Variants in ADAMTS9 observed in about 807,000 individuals in gnomAD.
The protein encoded by ADAMTS9 is A disintegrin and metalloproteinase with thrombospondin motifs 9.
A neutral mutation model predicts 257.1 loss-of-function variants in ADAMTS9; 107 were observed. That is an observed-to-expected ratio of 0.42 (90% confidence interval 0.36 to 0.49). ADAMTS9 has a LOEUF of 0.49. Among genes scored for constraint, ADAMTS9 ranks in the 20% least tolerant of loss-of-function variants. ADAMTS9 has a pLI of 0.03. For missense variants in ADAMTS9, 2,353 were observed against 2,469.1 expected, an observed-to-expected ratio of 0.95 and a Z score of 1.00; for synonymous variants, 982 against 880.9, an observed-to-expected ratio of 1.11 and a Z score of -2.03.
intron 39 of ADAMTS9, among the ~76,000 whole-genome samples, chr3:64,519,357 T>C (rs2077983561): frequency 6.6e-6 from 1 of 152,102 alleles, no homozygotes; most frequent in South Asian, 2.1e-4. Context: ...TAAACAGCCT[T>C]TTAAATAAGC....
At chr3:64,647,428 G>A (rs1329652171) in intron 11 of ADAMTS9, among the ~76,000 whole-genome samples, 2 of 152,096 alleles carry the variant, frequency 1.3e-5, no homozygotes, top group East Asian at 1.9e-4. Context: ...ACCAGCTCAC[G>A]AGAACTTGGA....
intron 12 of ADAMTS9, among the ~76,000 whole-genome samples, chr3:64,638,443 T>C (rs1700554536): frequency 6.6e-6 from 1 of 152,180 alleles, no homozygotes; most frequent in South Asian, 2.1e-4. Flanking sequence ...TCTTATAGGC[T>C]GGGTGACCGT....
At chr3:64,609,726 A>C (rs1478176051) in intron 22 of ADAMTS9, among the ~76,000 whole-genome samples, 1 of 152,214 alleles carries the variant, frequency 6.6e-6, no homozygotes, top group Non-Finnish European at 1.5e-5. Flanking sequence ...CCACAGATTC[A>C]GTGAAATCCC....
Position 64,541,202 on chromosome 3 carries a change from T to C in ADAMTS9, c.5414A>G (p.Tyr1805Cys), listed in dbSNP as rs1434282695. The change falls in exon 36 of 40, where the codon TAT becomes TGT. Residue 1805 changes from tyrosine (Y) to cysteine (C), a missense_variant. Around this residue, in one of 3 missense-constraint regions of ADAMTS9, gnomAD observed 1,402 missense variants for 1,441.4 expected, o/e 0.97. Transcript: ENST00000498707. ...GCAGTCATCGCGCCGGCTCCCGTTA[T>C]AGGGACATTCTGTTGGGTTGTGTAA... ...HRLHNPTECPYNGSRRDDCQC... is the reference protein window; with the variant it reads ...HRLHNPTECPCNGSRRDDCQC... The C allele has an allele frequency of 6.2e-7, 1 of 1,614,232 alleles. No homozygotes were observed. Among genetic ancestry groups the C allele is most frequent in the South Asian group, 1.1e-5 (1 of 91,084 alleles).
chr3:64,575,040 C>A (rs749030138), intron 28 of ADAMTS9, among the ~76,000 whole-genome samples: 1 of 152,146 alleles, frequency 6.6e-6, no homozygotes, highest in Non-Finnish European at 1.5e-5. Flanking sequence ...CCACATTTCC[C>A]CTTGACTGAA....
At chr3:64,598,392 A>T (rs1336804133) in intron 26 of ADAMTS9, among the ~76,000 whole-genome samples, 1 of 149,966 alleles carries the variant, frequency 6.7e-6, no homozygotes, top group Non-Finnish European at 1.5e-5. Context: ...ATCACAGGTT[A>T]CTACGGCCTC....
At chr3:64,658,459 C>T (rs370046358) in intron 4 of ADAMTS9, 43 bp downstream of exon 4, 89 of 1,569,928 alleles carry the variant, frequency 5.7e-5, no homozygotes, top group Non-Finnish European at 7.7e-5. Context: ...CCCAATGGCA[C>T]ATTTAGAGAC....
chr3:64,655,027 C>G (rs1295682232), intron 6 of ADAMTS9, among the ~76,000 whole-genome samples: 1 of 152,182 alleles, frequency 6.6e-6, no homozygotes, highest in Non-Finnish European at 1.5e-5. Flanking sequence ...CACAATTAAG[C>G]CAGCACGCGT....
chr3:64,624,056 C>T (rs1410251767), intron 16 of ADAMTS9, among the ~76,000 whole-genome samples: 1 of 139,480 alleles, frequency 7.2e-6, no homozygotes, highest in Non-Finnish European at 1.5e-5. Context: ...TGGTAAATGC[C>T]AGGGGCAGGA....
intron 13 of ADAMTS9, 28 bp from the exon 14 acceptor site, chr3:64,633,636 C>G: frequency 6.2e-7 from 1 of 1,614,030 alleles, no homozygotes; most frequent in East Asian, 2.2e-5. Context: ...TACAACTTGA[C>G]TTTTGTGCCT....
intron 16 of ADAMTS9, among the ~76,000 whole-genome samples, chr3:64,629,736 T>TA (rs373916548): frequency 2.6e-5 from 4 of 152,372 alleles, no homozygotes; most frequent in Middle Eastern, 3.4e-3. Context: ...AATTTTTTTT[T>TA]ATCTGTTTTG....
At chr3:64,549,821 T>G (rs571877799) in intron 31 of ADAMTS9, among the ~76,000 whole-genome samples, 1 of 152,228 alleles carries the variant, frequency 6.6e-6, no homozygotes, top group East Asian at 1.9e-4. Context: ...AGGACAAAAT[T>G]CACAGGAATA....
intron 20 of ADAMTS9, 108 bp from the exon 21 acceptor site, chr3:64,615,593 C>T: frequency 8.7e-7 from 1 of 1,143,392 alleles, no homozygotes; most frequent in East Asian, 2.6e-5. Flanking sequence ...AACACACAAG[C>T]TGGCCAACTC....
At chr3:64,628,337 A>T (rs1427551003) in intron 16 of ADAMTS9, among the ~76,000 whole-genome samples, 2 of 152,086 alleles carry the variant, frequency 1.3e-5, no homozygotes, top group Non-Finnish European at 2.9e-5. Flanking sequence ...TTGGAGGGAG[A>T]TTGTTTTTCC....
chr3:64,623,715 C>G (rs1311366376), intron 16 of ADAMTS9, among the ~76,000 whole-genome samples: 1 of 152,190 alleles, frequency 6.6e-6, no homozygotes, highest in Non-Finnish European at 1.5e-5. Context: ...GCTTTCTCAT[C>G]TTTCTCCATG....
intron 27 of ADAMTS9, among the ~76,000 whole-genome samples, chr3:64,596,364 C>T (rs2084363926): frequency 6.6e-6 from 1 of 152,098 alleles, no homozygotes; most frequent in South Asian, 2.1e-4. Context: ...CTCACTTCTG[C>T]AATAAAAATA....
At chr3:64,610,436 GA>G (rs1257476936) in intron 22 of ADAMTS9, among the ~76,000 whole-genome samples, 11 of 151,960 alleles carry the variant, frequency 7.2e-5, no homozygotes, top group African/African-American at 2.7e-4. Context: ...GAACATTATT[GA>G]ATTATACATT....
At chr3:64,638,645 G>A (rs982445720) in intron 12 of ADAMTS9, among the ~76,000 whole-genome samples, 1 of 152,112 alleles carries the variant, frequency 6.6e-6, no homozygotes, top group African/African-American at 2.4e-5. Context: ...GGCCCCACCT[G>A]TAACACCATA....
At chr3:64,599,472 T>G (rs2084419733) in intron 26 of ADAMTS9, among the ~76,000 whole-genome samples, 1 of 152,234 alleles carries the variant, frequency 6.6e-6, no homozygotes, top group Non-Finnish European at 1.5e-5. Context: ...ATTTGTTTTT[T>G]TCTACCTGCT....
Sources: gnomAD v4.1 joint callset for allele counts (sites outside exome capture counted in the v4.1 genomes callset) on GRCh38, gnomAD v4.1.1 for gene constraint, gnomAD v4.1.1 regional missense constraint, MANE v1.5 for transcripts, NCBI Gene and HGNC (gene_info 2026-07-23, HGNC 2026-07-21) for gene names.